The following ARSL variants were observed in gnomAD, a reference collection of about 807,000 sequenced individuals.
ARSL encodes the protein arylsulfatase L, also known as arylsulfatase E (chondrodysplasia punctata 1).
A neutral mutation model predicts 31.1 loss-of-function variants in ARSL; 4 were observed. The observed-to-expected ratio is 0.13, with a 90% CI of 0.06 to 0.29. ARSL has a LOEUF of 0.29. Ranked by LOEUF, ARSL falls within the 10% of genes least tolerant of loss-of-function variation. The pLI, the probability that ARSL is intolerant of heterozygous loss-of-function variation, is 1.00. For synonymous variants in ARSL, 198 were observed against 209.9 expected, an observed-to-expected ratio of 0.94 and a Z score of 0.49; for missense variants, 312 against 497.8, an observed-to-expected ratio of 0.63 and a Z score of 3.55.
chrX:2,952,980 T>C, intron 5 of ARSL, 163 bp downstream of exon 5: 1 of 581,502 alleles, frequency 1.7e-6, no homozygotes, highest in Non-Finnish European at 2.6e-6. Flanking sequence ...GTATCTACTT[T>C]GCAGAAAACA....
chrX:2,957,724 A>G (rs1467750860), intron 3 of ARSL, among the ~76,000 whole-genome samples: 1 of 108,809 alleles, frequency 9.2e-6, no homozygotes, highest in Non-Finnish European at 1.9e-5. Context: ...AAAAAAAAAA[A>G]AGAAAAGAAA....
chrX:2,943,308 A>G (rs2089307473), intron 7 of ARSL, 109 bp from the exon 8 acceptor site: 1 of 977,044 alleles, frequency 1.0e-6, no homozygotes, highest in Non-Finnish European at 1.4e-6. Context: ...ATGAAGCCTT[A>G]GTTTTAACGC....
chrX:2,960,294 A>AT, intron 2 of ARSL, 84 bp downstream of exon 2: 2 of 462,766 alleles, frequency 4.3e-6, no homozygotes, highest in Non-Finnish European at 6.7e-6. Flanking sequence ...AAAAAAAAAA[A>AT]GAAGAGAAAG....
At chrX:2,943,291 C>G in intron 7 of ARSL, 92 bp from the exon 8 acceptor site, 1 of 1,080,186 alleles carries the variant, frequency 9.3e-7, no homozygotes, top group African/African-American at 1.8e-5. Flanking sequence ...GGGGGCTAGC[C>G]ACAAGAATGA....
intron 4 of ARSL, among the ~76,000 whole-genome samples, chrX:2,953,600 T>C (rs2089489299): frequency 8.9e-6 from 1 of 112,224 alleles, no homozygotes; most frequent in Non-Finnish European, 1.9e-5. Context: ...TCGTCCAGGC[T>C]GGAATGCAGT....
chrX:2,948,487 A>G, intron 6 of ARSL, among the ~76,000 whole-genome samples: 1 of 111,432 alleles, frequency 9.0e-6, no homozygotes, highest in Non-Finnish European at 1.9e-5. Flanking sequence ...GAGTAGTAGC[A>G]AATTCCAGCT....
chrX:2,959,515 A>C, intron 2 of ARSL: 1 of 1,066,449 alleles, frequency 9.4e-7, no homozygotes, highest in Non-Finnish European at 1.2e-6. Flanking sequence ...TAAAGATGTA[A>C]TCTGAGTCTC....
chrX:2,934,697 G>T lies in ARSL; in HGVS notation c.*135C>A. 1.9e-6 allele frequency: 1 copy of T among 534,300 alleles called. No individual in the cohort carries two copies. Among genetic ancestry groups the T allele is most frequent in the South Asian group, 3.6e-5 (1 of 27,605 alleles). 44.0% of individuals were successfully genotyped at this position (534,300 alleles called of 1,213,427 possible). On this transcript the variant is annotated 3_prime_UTR_variant, in exon 11 of 11. Transcript: ENST00000381134. ...GAGTTTCATCATGTTGCCCAGGTTG[G>T]TTTTGATCACGGGAGTGATCCTCCT...
intron 8 of ARSL, among the ~76,000 whole-genome samples, chrX:2,939,671 G>C (rs1391476886): frequency 1.8e-5 from 2 of 110,338 alleles, no homozygotes; most frequent in Non-Finnish European, 1.9e-5. Flanking sequence ...GCCTAAAAAG[G>C]CTCTTTCAAG....
intron 2 of ARSL, among the ~76,000 whole-genome samples, chrX:2,959,398 G>T (rs1391386221): frequency 1.8e-5 from 2 of 111,710 alleles, no homozygotes; most frequent in African/African-American, 6.5e-5. Context: ...CGCAGGGGTT[G>T]GTGACATACA....
chrX:2,962,454 G>T (rs138546018), intron 1 of ARSL, among the ~76,000 whole-genome samples: 2 of 110,940 alleles, frequency 1.8e-5, no homozygotes, highest in African/African-American at 3.3e-5. Context: ...GAGCCAGCAG[G>T]CACTGAGAGC....
intron 8 of ARSL, among the ~76,000 whole-genome samples, chrX:2,939,635 C>CATCATAGGTAT (rs2089253474): frequency 9.0e-6 from 1 of 110,572 alleles, no homozygotes; most frequent in Admixed American, 9.7e-5. Context: ...AGCAAATATA[C>CATCATAGGTAT]ATCATAGGTA....
chrX:2,960,508 C>CAAAG, intron 1 of ARSL, 88 bp from the exon 2 acceptor site: 1 of 911,001 alleles, frequency 1.1e-6, no homozygotes, highest in Non-Finnish European at 1.6e-6. Context: ...ATTAGGGGAA[C>CAAAG]TTTGATTCCC....
intron 10 of ARSL, 149 bp from the exon 11 acceptor site, chrX:2,935,339 G>A: frequency 2.0e-6 from 1 of 508,304 alleles, no homozygotes; most frequent in Non-Finnish European, 3.4e-6. Context: ...ATCTTACATG[G>A]CATACTCTGC....
upstream of ARSL, among the ~76,000 whole-genome samples, chrX:2,966,969 TAAAACATG>T (rs2089705081): frequency 9.0e-6 from 1 of 111,279 alleles, no homozygotes; most frequent in African/African-American, 3.3e-5. Flanking sequence ...TATATACCTA[TAAAACATG>T]TACGTATATA....
At chrX:2,961,634 A>T (rs1269601317) in intron 1 of ARSL, among the ~76,000 whole-genome samples, 1 of 112,021 alleles carries the variant, frequency 8.9e-6, no homozygotes, top group Non-Finnish European at 1.9e-5. Flanking sequence ...TTGCATCTGT[A>T]AAGATGTAAA....
chrX:2,950,097 C>T (rs1020724085), intron 5 of ARSL, among the ~76,000 whole-genome samples: 5 of 111,896 alleles, frequency 4.5e-5, no homozygotes, highest in African/African-American at 1.6e-4. Context: ...ATCCTTCCTG[C>T]CTCTCCCAGC....
intron 8 of ARSL, among the ~76,000 whole-genome samples, chrX:2,941,889 T>C (rs2089287442): frequency 8.9e-6 from 1 of 112,809 alleles, no homozygotes; most frequent in African/African-American, 3.2e-5. Flanking sequence ...TTTAGCTCTT[T>C]TCATCGACAT....
At chrX:2,968,053 GA>G, upstream of ARSL, 2 of 1,013,259 alleles carry the variant, frequency 2.0e-6, no homozygotes, top group East Asian at 6.7e-5. Flanking sequence ...GGACTTGTTT[GA>G]AAAGACGCAG....
Sources: allele counts gnomAD v4.1 joint callset (sites outside exome capture counted in the v4.1 genomes callset), GRCh38; gene constraint gnomAD v4.1.1; transcripts MANE v1.5; gene names NCBI Gene and HGNC (gene_info 2026-07-23, HGNC 2026-07-21).